Variants in GRM7 observed in about 807,000 individuals in gnomAD.
The protein encoded by GRM7 is metabotropic glutamate receptor 7.
A neutral mutation model predicts 84.5 loss-of-function variants in GRM7; 35 were observed. The ratio of observed to expected loss-of-function variants is 0.41; its 90% CI spans 0.32 to 0.55. GRM7 has a LOEUF of 0.55. GRM7 is among the 20% of genes least tolerant of loss of function. The pLI, the probability that GRM7 is intolerant of heterozygous loss-of-function variation, is 0.19. For missense variants in GRM7, 1,003 were observed against 1,194.6 expected (o/e 0.84, Z 2.36); for synonymous variants, 487 against 455.1 (o/e 1.07, Z -0.89).
intron 1 of GRM7, among the ~76,000 whole-genome samples, chr3:7,068,458 T>G (rs1456259985): frequency 6.6e-6 from 1 of 152,040 alleles, no homozygotes; most frequent in Non-Finnish European, 1.5e-5. Context: ...CAACAAACTG[T>G]TTTTCTACTG....
intron 1 of GRM7, among the ~76,000 whole-genome samples, chr3:7,111,250 A>T (rs1009149187): frequency 2.0e-5 from 3 of 152,110 alleles, no homozygotes; most frequent in African/African-American, 7.2e-5. Flanking sequence ...GCAGGATGAC[A>T]CATGGCCTCA....
In GRM7 at chr3:7,298,107, GA is replaced by G. The variant is rs1157944788; in HGVS notation, c.737-576del. Among the ~76,000 whole-genome samples the G allele has an allele frequency of 5.3e-5, 8 of 152,212 alleles. No individual in the cohort carries two copies. The East Asian group carries it at 1.4e-3, about 26-fold the overall frequency. ...AGGTAACATCTGTAAAACACTTAAT[GA>G]TGGCTTAGGCACATAGTATGTTGTC... On this transcript the variant is annotated intron_variant, in intron 2 of 9. Transcript: ENST00000357716.
chr3:7,131,290 C>G (rs1334971098), intron 1 of GRM7, among the ~76,000 whole-genome samples: 1 of 151,978 alleles, frequency 6.6e-6, no homozygotes, highest in Non-Finnish European at 1.5e-5. Context: ...TCACAGGGCC[C>G]TCGTTAAACA....
rs1200434395 is a variant in GRM7, at chr3:7,359,317, A to T, written c.1033+52665A>T. ...ACCTCACAAAAAGTAACTGAATCCT[A>T]TTCACCCCTCCTCCTCTTTTTTTTT... On this transcript the variant is annotated intron_variant, in intron 4 of 9. Transcript: ENST00000357716. Among the ~76,000 whole-genome samples the T allele has an allele frequency of 5.8e-4, 67 of 116,458 alleles. 1 individual carries two copies. Among genetic ancestry groups the T allele is most frequent in the Non-Finnish European group, 8.1e-4 (47 of 58,022 alleles). The allele number at this position is 116,458 out of a possible 152,430, so 76.4% of individuals were successfully genotyped here. A position where few individuals can be genotyped will look rare whatever the true frequency, so the allele number is the denominator to read the frequency against.
intron 1 of GRM7, among the ~76,000 whole-genome samples, chr3:7,071,716 C>T (rs1195368772): frequency 3.3e-5 from 5 of 152,020 alleles, no homozygotes; most frequent in African/African-American, 1.2e-4. Flanking sequence ...GGAGTCACTT[C>T]AAATTTACTT....
intron 1 of GRM7, among the ~76,000 whole-genome samples, chr3:6,961,333 A>T (rs1490934388): frequency 6.6e-6 from 1 of 151,772 alleles, no homozygotes; most frequent in Non-Finnish European, 1.5e-5. Context: ...TTTAACTGCT[A>T]CTCTTCTTGT....
At chr3:7,360,954 T>C (rs1693634941) in intron 4 of GRM7, among the ~76,000 whole-genome samples, 1 of 152,092 alleles carries the variant, frequency 6.6e-6, no homozygotes. Context: ...ATCTTGGACA[T>C]GCTTTTTCAG....
chr3:7,449,029 C>T (rs941887798), intron 5 of GRM7, among the ~76,000 whole-genome samples: 1 of 151,570 alleles, frequency 6.6e-6, no homozygotes, highest in Admixed American at 6.6e-5. Context: ...AATGAATAGC[C>T]TTAAAAAATA....
At chr3:7,585,736 C>T (rs905685773) in intron 8 of GRM7, among the ~76,000 whole-genome samples, 4 of 152,124 alleles carry the variant, frequency 2.6e-5, no homozygotes, top group Non-Finnish European at 4.4e-5. Context: ...GGGACCCAGG[C>T]CTCAAACTAG....
At position 7,098,342 on chromosome 3, in the gene GRM7, T is replaced by C. The variant is rs191656107; in HGVS notation, c.520-48110T>C. Among the ~76,000 whole-genome samples, 471 of 152,180 alleles carry C rather than the reference T, an allele frequency of 3.1e-3. 3 individuals carry two copies. The highest frequency in any genetic ancestry group is 0.011 in the African/African-American group (441 of 41,566). On this transcript the variant is annotated intron_variant, in intron 1 of 9. Transcript: ENST00000357716. ...GATCTAGGAATCCAGAAATATGGGT[T>C]AGGGTAACTTGATAACATAATTAAT...
intron 7 of GRM7, among the ~76,000 whole-genome samples, chr3:7,507,293 T>C (rs1436392554): frequency 6.6e-6 from 1 of 151,932 alleles, no homozygotes; most frequent in Non-Finnish European, 1.5e-5. Context: ...TATTGCAGAG[T>C]GTCTGGTCAG....
At chr3:7,363,460 A>G (rs1693755132) in intron 4 of GRM7, among the ~76,000 whole-genome samples, 1 of 152,152 alleles carries the variant, frequency 6.6e-6, no homozygotes, top group Non-Finnish European at 1.5e-5. Flanking sequence ...ACACTATTTA[A>G]TAACCAAAAT....
rs1694826470 is a variant in GRM7 at position 6,863,282 on chromosome 3, A to G, written c.519+1375A>G. On this transcript the variant is annotated intron_variant, in intron 1 of 9. Coordinates refer to ENST00000357716, the MANE Select transcript of GRM7 (RefSeq NM_000844.4). This position sits in a 1 kb window ranked among gnomAD's most constrained non-coding sequence, Gnocchi z 4.8. ...TGGCTGGTGGTACCCAAACCTAGTT[A>G]ATCTCTTCCGCAGATGTACACGCTG... Among the ~76,000 whole-genome samples the G allele has an allele frequency of 1.3e-5, 2 of 152,004 alleles. No individual in the cohort carries two copies. Among genetic ancestry groups the G allele is most frequent in the African/African-American group, 4.8e-5 (2 of 41,374 alleles).
chr3:7,541,229 G>A (rs1028811306), intron 7 of GRM7, among the ~76,000 whole-genome samples: 1 of 151,994 alleles, frequency 6.6e-6, no homozygotes, highest in Non-Finnish European at 1.5e-5. Context: ...ATGTAAAAAT[G>A]CTATTTTTCT....
intron 3 of GRM7, among the ~76,000 whole-genome samples, 190 bp from the exon 4 acceptor site, chr3:7,306,308 G>C (rs62237061): frequency 0.47 from 71,951 of 151,956 alleles, 18,702 homozygotes; most frequent in Non-Finnish European, 0.6. Flanking sequence ...TCTTGTTTCT[G>C]AAGATGCTTT....
chr3:7,584,517 G>A (rs997332719), intron 8 of GRM7, among the ~76,000 whole-genome samples: 1 of 152,190 alleles, frequency 6.6e-6, no homozygotes, highest in African/African-American at 2.4e-5. Flanking sequence ...GAAGGGCTCT[G>A]TTTGAATTTT....
intron 4 of GRM7, among the ~76,000 whole-genome samples, chr3:7,364,399 G>A (rs534964117): frequency 2.0e-5 from 3 of 151,884 alleles, no homozygotes; most frequent in African/African-American, 7.2e-5. Context: ...CTTATAAGCA[G>A]TGCCTATCTG....
At chr3:6,961,488 G>T (rs73126754) in intron 1 of GRM7, among the ~76,000 whole-genome samples, 2,144 of 152,222 alleles carry the variant, frequency 0.014, 43 homozygotes, top group African/African-American at 0.048. Context: ...TGCACAAGCA[G>T]TACTGACTGG....
chr3:7,136,811 A>C (rs555766034), intron 1 of GRM7, among the ~76,000 whole-genome samples: 1 of 152,260 alleles, frequency 6.6e-6, no homozygotes, highest in Admixed American at 6.6e-5. Context: ...AACAATGATG[A>C]GCAAGGTCTT....
Sources: gnomAD v4.1 joint callset for allele counts (sites outside exome capture counted in the v4.1 genomes callset) on GRCh38, gnomAD v4.1.1 for gene constraint, Gnocchi (gnomAD v3.1) non-coding constraint, MANE v1.5 for transcripts, NCBI Gene and HGNC (gene_info 2026-07-23, HGNC 2026-07-21) for gene names.